PPP2R2C: variants seen among roughly 807,000 people sequenced by gnomAD.
PPP2R2C encodes protein phosphatase 2, regulatory subunit B, gamma.
PPP2R2C carries 10 observed loss-of-function variants against 45.3 expected under a neutral mutation model. The observed-to-expected ratio is 0.22, with a 90% CI of 0.14 to 0.37. PPP2R2C has a LOEUF of 0.37. PPP2R2C is among the 10% of genes least tolerant of loss of function. The probability of loss-of-function intolerance (pLI) is 1.00; values close to 1 mark genes in which losing one functional copy is unlikely to be tolerated. For synonymous variants in PPP2R2C, 257 were observed against 245.4 expected, an observed-to-expected ratio of 1.05 and a Z score of -0.44; for missense variants, 308 against 619.7, an observed-to-expected ratio of 0.50 and a Z score of 5.34.
At chr4:6,535,341 AGGTCATTTC>A in exon 2 of PPP2R2C, 2 of 1,534,276 alleles carry the variant, frequency 1.3e-6, no homozygotes, top group Admixed American at 2.0e-5. Context: ...TGACTAACAC[AGGTCATTTC>A]AAAAAAGGTC....
chr4:6,370,106 C>A (rs1230843690), intron 5 of PPP2R2C, among the ~76,000 whole-genome samples: 2 of 152,214 alleles, frequency 1.3e-5, no homozygotes, highest in African/African-American at 4.8e-5. Context: ...GAAGCAGGTG[C>A]TCGAGAAGGG....
At chr4:6,527,175 T>A (rs2108818784) in intron 2 of PPP2R2C, among the ~76,000 whole-genome samples, 1 of 152,300 alleles carries the variant, frequency 6.6e-6, no homozygotes, top group African/African-American at 2.4e-5. Context: ...CTGCCTAGAA[T>A]TCCAAACGAA....
At chr4:6,518,282 C>G (rs1344827417) in intron 2 of PPP2R2C, among the ~76,000 whole-genome samples, 2 of 151,856 alleles carry the variant, frequency 1.3e-5, no homozygotes, top group South Asian at 4.2e-4. Context: ...ACAGTAAACA[C>G]AAGAAAATAA....
intron 1 of PPP2R2C, chr4:6,421,124 T>C: frequency 1.0e-6 from 1 of 985,196 alleles, no homozygotes; most frequent in Non-Finnish European, 1.2e-6. Context: ...CACATGCAGG[T>C]ATGAGCCCTA....
At chr4:6,527,538 C>T (rs73084799) in intron 2 of PPP2R2C, among the ~76,000 whole-genome samples, 2,788 of 152,284 alleles carry the variant, frequency 0.018, 85 homozygotes, top group African/African-American at 0.063. Context: ...GAACACAGCC[C>T]CACTCCTCAA....
At chr4:6,400,521 T>A (rs1046436685) in intron 1 of PPP2R2C, among the ~76,000 whole-genome samples, 1 of 151,842 alleles carries the variant, frequency 6.6e-6, no homozygotes, top group Non-Finnish European at 1.5e-5. Flanking sequence ...TTTTTAAGAG[T>A]GTAAAAAGGG....
At chr4:6,425,324 G>GCTGTGCACCTCACCTGCTGTGTGTC (rs1314878127) in intron 1 of PPP2R2C, among the ~76,000 whole-genome samples, 1 of 152,212 alleles carries the variant, frequency 6.6e-6, no homozygotes, top group African/African-American at 2.4e-5. Flanking sequence ...GCCAAGCCTG[G>GCTGTGCACCTCACCTGCTGTGTGTC]CTGTGCACCT....
chr4:6,386,318 G>C (rs1171962129), intron 1 of PPP2R2C, among the ~76,000 whole-genome samples: 2 of 152,134 alleles, frequency 1.3e-5, no homozygotes, highest in East Asian at 3.8e-4. Flanking sequence ...TGGCTTGATA[G>C]AGCAGCAAAC....
chr4:6,444,488 T>A (rs541897784), intron 1 of PPP2R2C, among the ~76,000 whole-genome samples: 1 of 152,236 alleles, frequency 6.6e-6, no homozygotes, highest in South Asian at 2.1e-4. Context: ...TACTGGAAAT[T>A]CCAAATACAC....
intron 1 of PPP2R2C, among the ~76,000 whole-genome samples, chr4:6,537,096 G>T (rs919412471): frequency 1.3e-5 from 2 of 152,068 alleles, no homozygotes; most frequent in African/African-American, 2.4e-5. Flanking sequence ...CCAGCTACTC[G>T]GGAGGCTGAG....
At chr4:6,387,344 A>G (rs188676284) in intron 1 of PPP2R2C, among the ~76,000 whole-genome samples, 3 of 152,306 alleles carry the variant, frequency 2.0e-5, no homozygotes, top group African/African-American at 7.2e-5. Context: ...TAATGAGAAA[A>G]TGTTAAAGCA....
chr4:6,420,987 C>G (rs543225511), intron 1 of PPP2R2C: 1 of 985,260 alleles, frequency 1.0e-6, no homozygotes, highest in Non-Finnish European at 1.2e-6. Flanking sequence ...GCTTGGGCAG[C>G]TGGTTCTCCT....
intron 2 of PPP2R2C, among the ~76,000 whole-genome samples, chr4:6,494,779 G>A (rs1183748734): frequency 7.9e-5 from 12 of 152,344 alleles, no homozygotes; most frequent in Admixed American, 7.8e-4. Context: ...TTCCTGGAGT[G>A]TGGCTGGAGA....
At chr4:6,402,605 G>A (rs138025969) in intron 1 of PPP2R2C, among the ~76,000 whole-genome samples, 6 of 152,346 alleles carry the variant, frequency 3.9e-5, no homozygotes, top group Admixed American at 1.3e-4. Flanking sequence ...GACATGGAGC[G>A]GCTTCTGCCC....
chr4:6,447,796 C>T (rs1310510009), intron 1 of PPP2R2C, among the ~76,000 whole-genome samples: 2 of 152,108 alleles, frequency 1.3e-5, no homozygotes, highest in African/African-American at 4.8e-5. Context: ...TCGGGGTCTC[C>T]GTTTTCTCCC....
In PPP2R2C at chr4:6,328,210, C is replaced by A. The variant is rs1259394972; in HGVS notation, c.1052+1052G>T. On this transcript the variant is annotated intron_variant, in intron 8 of 8. Coordinates refer to ENST00000382599, the MANE Select transcript of PPP2R2C (RefSeq NM_020416.4). This position sits in a 1 kb window ranked among gnomAD's most constrained non-coding sequence, Gnocchi z 4.4. The stretch of plus-strand genomic sequence containing the variant: ...CACTCCACCCTCCTTGCCCACCACA[C>A]TGGACAGGACTGCGGGGAGGAGGTG... Among the ~76,000 whole-genome samples, 1 of 152,206 alleles carries A rather than the reference C, an allele frequency of 6.6e-6. No individual in the cohort carries two copies. Among genetic ancestry groups the A allele is most frequent in the Non-Finnish European group, 1.5e-5 (1 of 68,040 alleles).
chr4:6,550,269 GCA>G (rs1725140031), intron 1 of PPP2R2C, among the ~76,000 whole-genome samples: 1 of 151,876 alleles, frequency 6.6e-6, no homozygotes, highest in African/African-American at 2.4e-5. Context: ...ACATCCCAAA[GCA>G]CAGACACAAT....
At chr4:6,370,752 C>T (rs1486641686) in intron 5 of PPP2R2C, among the ~76,000 whole-genome samples, 1 of 152,182 alleles carries the variant, frequency 6.6e-6, no homozygotes, top group Non-Finnish European at 1.5e-5. Context: ...TACAGTTATC[C>T]ACATCAAACA....
intron 1 of PPP2R2C, among the ~76,000 whole-genome samples, chr4:6,433,032 A>G (rs1364912088): frequency 1.3e-5 from 2 of 152,174 alleles, no homozygotes; most frequent in African/African-American, 4.8e-5. Context: ...TCTTTCCTCT[A>G]GCTTACTTTA....
Sources: gnomAD v4.1 joint callset for allele counts (sites outside exome capture counted in the v4.1 genomes callset) on GRCh38, gnomAD v4.1.1 for gene constraint, Gnocchi (gnomAD v3.1) non-coding constraint, MANE v1.5 for transcripts, NCBI Gene and HGNC (gene_info 2026-07-23, HGNC 2026-07-21) for gene names.